MACF1: variants seen among roughly 807,000 people sequenced by gnomAD.
The protein encoded by MACF1 is microtubule actin crosslinking factor 1, also known as microtubule-actin cross-linking factor 1.
A neutral mutation model predicts 854.8 loss-of-function variants in MACF1; 193 were observed. The ratio of observed to expected loss-of-function variants is 0.23; its 90% CI spans 0.20 to 0.25. The LOEUF (loss-of-function observed/expected upper bound fraction) is 0.25, where lower values mean the gene tolerates loss of function less well. Among genes scored for constraint, MACF1 ranks in the 10% least tolerant of loss-of-function variants. MACF1 has a pLI of 1.00. For missense variants in MACF1, 7,722 were observed against 8,929.1 expected (o/e 0.86, Z 5.45); for synonymous variants, 3,185 against 3,226.7 (o/e 0.99, Z 0.44).
chr1:39,167,789 G>T (rs1021874083), intron 2 of MACF1, among the ~76,000 whole-genome samples: 1 of 151,592 alleles, frequency 6.6e-6, no homozygotes, highest in Non-Finnish European at 1.5e-5. Context: ...TAAGAGAATC[G>T]CTTGAGCCAA....
intron 89 of MACF1, chr1:39,457,894 C>T (rs1419808949): frequency 6.5e-6 from 1 of 153,694 alleles, no homozygotes; most frequent in African/African-American, 2.4e-5. Flanking sequence ...TACGGTTCTG[C>T]AGGCTGTACG....
At chr1:39,327,657 C>A (rs1394150114) in intron 36 of MACF1, among the ~76,000 whole-genome samples, 1 of 152,194 alleles carries the variant, frequency 6.6e-6, no homozygotes, top group Admixed American at 6.5e-5. Context: ...TATGTGATCA[C>A]AGGGCAGTAA....
intron 41 of MACF1, among the ~76,000 whole-genome samples, chr1:39,347,484 T>A (rs1647079970): frequency 1.3e-5 from 2 of 152,240 alleles, no homozygotes; most frequent in Non-Finnish European, 2.9e-5. Context: ...GACTTTTCCT[T>A]CGCTGTATCT....
intron 58 of MACF1, 23 bp downstream of exon 58, chr1:39,388,681 T>G (rs1463746848): frequency 2.6e-6 from 4 of 1,516,306 alleles, no homozygotes; most frequent in Non-Finnish European, 2.6e-6. Context: ...CTTGTTTTTC[T>G]TTTTCTTTTA....
intron 2 of MACF1, among the ~76,000 whole-genome samples, chr1:39,191,247 G>A (rs1227670668): frequency 3.4e-5 from 5 of 149,158 alleles, no homozygotes; most frequent in African/African-American, 1.2e-4. Context: ...AGGCCCAGTT[G>A]GGTCCTACTT....
Position 39,364,950 on chromosome 1 carries a change from A to G in MACF1, c.12772-3198A>G, listed in dbSNP as rs1299965129. On this transcript the variant is annotated intron_variant, in intron 49 of 100. Coordinates refer to ENST00000564288, the MANE Select transcript of MACF1 (RefSeq NM_001394062.1). Reference sequence around the variant, plus strand: ...TTGTTTTAATTTTTTTTTACATTTGAATCTTTTAACAATTTAAGCTTATTC... The same window carrying G: ...TTGTTTTAATTTTTTTTTACATTTGGATCTTTTAACAATTTAAGCTTATTC... 3.9e-5 allele frequency among the ~76,000 whole-genome samples: 6 copies of G among 152,034 alleles called. No homozygotes were observed. The East Asian group carries it at 7.7e-4, about 19-fold the overall frequency.
intron 50 of MACF1, 89 bp from the exon 51 acceptor site, chr1:39,369,941 A>G (rs1649086609): frequency 8.4e-7 from 1 of 1,193,152 alleles, no homozygotes; most frequent in African/African-American, 1.5e-5. Context: ...TAGGTAACTG[A>G]TGTCTGGAGT....
chr1:39,339,049 CAA>C (rs1267955245), intron 38 of MACF1, among the ~76,000 whole-genome samples: 2 of 152,124 alleles, frequency 1.3e-5, no homozygotes, highest in East Asian at 3.9e-4. Flanking sequence ...TAGGCCAAGA[CAA>C]GAGGATTGCT....
At position 39,283,788 on chromosome 1, in the gene MACF1, C is replaced by G. The variant is rs186885221; in HGVS notation, c.915+273C>G. Reference sequence around the variant, plus strand: ...AATTCAAGATGAGGAAGTGTTTTATCAGTCACTTATGTATCAGCTTGATTA... The same window carrying G: ...AATTCAAGATGAGGAAGTGTTTTATGAGTCACTTATGTATCAGCTTGATTA... On this transcript the variant is annotated intron_variant, in intron 9 of 100. Transcript: ENST00000564288. The surrounding 1 kb of genome is among the most constrained non-coding windows in gnomAD (Gnocchi z 4.5). Among the ~76,000 whole-genome samples, 14 of 152,246 alleles carry G rather than the reference C, an allele frequency of 9.2e-5. No homozygotes were observed. Among genetic ancestry groups the G allele is most frequent in the Middle Eastern group, 6.8e-3 (2 of 294 alleles).
intron 2 of MACF1, among the ~76,000 whole-genome samples, chr1:39,117,533 G>GGT (rs67609869): frequency 0.046 from 6,843 of 147,406 alleles, 249 homozygotes; most frequent in Admixed American, 0.11. Flanking sequence ...ACCTGCAAGA[G>GGT]GTGTGTGTGT....
At chr1:39,342,379 T>C (rs559459667) in intron 40 of MACF1, among the ~76,000 whole-genome samples, 2 of 152,258 alleles carry the variant, frequency 1.3e-5, no homozygotes, top group East Asian at 3.9e-4. Flanking sequence ...TGTGTCTTTA[T>C]GATAGAATGA....
chr1:39,174,483 G>A (rs1290382223), intron 2 of MACF1, among the ~76,000 whole-genome samples: 2 of 152,062 alleles, frequency 1.3e-5, no homozygotes, highest in Non-Finnish European at 2.9e-5. Flanking sequence ...CAAAGTCAGG[G>A]CTTTTTTTTT....
intron 2 of MACF1, among the ~76,000 whole-genome samples, chr1:39,237,410 G>A (rs771288768): frequency 1.5e-4 from 23 of 152,172 alleles, no homozygotes; most frequent in Non-Finnish European, 3.2e-4. Flanking sequence ...TACTTTCTCT[G>A]TTAAGTGCTG....
At chr1:39,115,343 G>A (rs189639100) in intron 2 of MACF1, among the ~76,000 whole-genome samples, 108 of 152,198 alleles carry the variant, frequency 7.1e-4, no homozygotes, top group African/African-American at 2.4e-3. Flanking sequence ...ATGTGAAGGG[G>A]TAACATCCAT....
In MACF1 at chr1:39,336,242, T is replaced by G. The variant is rs771050283; in HGVS notation, c.9654T>G (p.Asp3218Glu). Residue 3218 changes from aspartate (D) to glutamate (E), a missense_variant, in exon 37 of 101, where the codon GAT (aspartate) becomes GAG (glutamate). This residue lies in a region of MACF1 where 854 missense variants were observed against 852.6 expected (regional missense o/e 1.00). Coordinates refer to ENST00000564288, the MANE Select transcript of MACF1 (RefSeq NM_001394062.1). ...TTCATCATCAGGGCAGCAAAAGTGA[T>G]GATAAACTTTGTGGAACTCTCAAAT... ...KDLHHQGSKS[D>E]DKLCGTLKSE... The G allele has an allele frequency of 6.2e-7, 1 of 1,614,124 alleles. No individual in the cohort carries two copies.
rs143407017 is a variant in MACF1, at chr1:39,332,473, A to G, written c.5885A>G (p.Asn1962Ser). The G allele has an allele frequency of 4.7e-4, 765 of 1,614,058 alleles. 3 individuals carry two copies. The South Asian group carries it at 5.1e-3, about 11-fold the overall frequency. ...HPKATASQSE[N>S]LLFQLMTHSY... ...AAGGCCACAGCAAGCCAGAGTGAGA[A>G]TCTGTTGTTCCAGCTGATGACTCAC... The change falls in exon 37 of 101, where the codon AAT becomes AGT. Residue 1962 changes from asparagine to serine, a missense_variant. Asn to Ser is a conservative substitution (Grantham distance 46). Transcript: ENST00000564288.
chr1:39,322,507 G>T, intron 31 of MACF1, 101 bp from the exon 32 acceptor site: 1 of 991,760 alleles, frequency 1.0e-6, no homozygotes. Flanking sequence ...AGCATGAGTG[G>T]TCACCAAAAC....
chr1:39,105,736 C>G lies in MACF1; in HGVS notation c.220+21298C>G, dbSNP rs774120056. ...TACAAAGGTAGGGCCGGGGACTGGC[C>G]GGCGCTGAGGCCCGCGGGCCGGCGC... is the stretch of plus-strand genomic sequence containing the variant. On this transcript the variant is annotated intron_variant, in intron 2 of 93. Coordinates refer to the MACF1 transcript ENST00000361689. The surrounding 1 kb of genome is among the most constrained non-coding windows in gnomAD (Gnocchi z 5.9). 5 of 1,130,954 alleles carry G rather than the reference C, an allele frequency of 4.4e-6. No individual in the cohort carries two copies. The highest frequency in any genetic ancestry group is 1.9e-5 in the South Asian group (1 of 52,468). 70.1% of individuals were successfully genotyped at this position (1,130,954 alleles called of 1,614,324 possible).
intron 6 of MACF1, among the ~76,000 whole-genome samples, chr1:39,277,201 G>T (rs1645454783): frequency 6.6e-6 from 1 of 150,622 alleles, no homozygotes. Context: ...GGACTCTTGT[G>T]GTTTGAAATG....
Sources: allele counts gnomAD v4.1 joint callset (sites outside exome capture counted in the v4.1 genomes callset), GRCh38; gene constraint gnomAD v4.1.1; regional missense constraint gnomAD v4.1.1; non-coding constraint Gnocchi (gnomAD v3.1); transcripts MANE v1.5; gene names NCBI Gene and HGNC (gene_info 2026-07-23, HGNC 2026-07-21).